FRMD8: variants seen among roughly 807,000 people sequenced by gnomAD.
FRMD8 encodes FERM domain containing 8, also known as FERM domain-containing protein 8.
FRMD8 carries 37 observed loss-of-function variants against 54.2 expected under a neutral mutation model. The ratio of observed to expected loss-of-function variants is 0.68; its 90% confidence interval spans 0.53 to 0.90. The LOEUF is 0.90. Ranked by LOEUF, FRMD8 falls within the 40% of genes least tolerant of loss-of-function variation. The pLI, the probability that FRMD8 is intolerant of heterozygous loss-of-function variation, is 0.00. For synonymous variants in FRMD8, 246 were observed against 286.9 expected (o/e 0.86, Z 1.44); for missense variants, 585 against 653.7 (o/e 0.89, Z 1.15).
the FRMD8 span, among the ~76,000 whole-genome samples, chr11:65,372,616 T>G: frequency 2.0e-5 from 3 of 152,194 alleles, no homozygotes; most frequent in Admixed American, 1.3e-4. Context: ...GTTTTGTTGT[T>G]GTTGTTTTGA....
chr11:65,373,351 G>C, the FRMD8 span, among the ~76,000 whole-genome samples: 1 of 152,240 alleles, frequency 6.6e-6, no homozygotes. Context: ...AGGAGGAGCA[G>C]AGACTGCTAG....
chr11:65,390,646 C>T (rs1220982735), intron 3 of FRMD8, among the ~76,000 whole-genome samples: 1 of 152,074 alleles, frequency 6.6e-6, no homozygotes, highest in East Asian at 1.9e-4. Context: ...GGCTCCTCGG[C>T]CACCTCATGC....
intron 2 of FRMD8, 88 bp from the exon 3 acceptor site, chr11:65,389,273 C>G: frequency 7.5e-7 from 1 of 1,332,164 alleles, no homozygotes; most frequent in South Asian, 1.2e-5. Context: ...GGGCTCCAGC[C>G]CCAGTGGGTG....
intron 10 of FRMD8, among the ~76,000 whole-genome samples, chr11:65,408,970 GT>G (rs1856269589): frequency 6.6e-6 from 1 of 152,002 alleles, no homozygotes; most frequent in African/African-American, 2.4e-5. Flanking sequence ...TTGTGCCCAG[GT>G]GTACCCTCCC....
At chr11:65,389,229 G>A (rs1160806991) in intron 2 of FRMD8, 132 bp from the exon 3 acceptor site, 11 of 804,972 alleles carry the variant, frequency 1.4e-5, no homozygotes, top group Admixed American at 6.6e-5. Context: ...TCTCAGGAGC[G>A]TAGCCCTGGT....
rs529708873 is a variant in FRMD8, at chr11:65,405,956, G to A, written c.1276+888G>A. On this transcript the variant is annotated intron_variant, in intron 10 of 10. Transcript: ENST00000317568. The stretch of plus-strand genomic sequence containing the variant: ...GAGTTGGAGGTTTGCAGTGAGCTAC[G>A]ATTGTACCACTGCACTCCAGCCTGG... Among the ~76,000 whole-genome samples, 13 of 152,094 alleles carry A rather than the reference G, an allele frequency of 8.5e-5. 1 individual carries two copies. In the South Asian group the frequency reaches 2.7e-3, roughly 32 times the overall value.
chr11:65,394,514 G>A (rs1855909067), intron 6 of FRMD8, 89 bp downstream of exon 6: 4 of 1,455,920 alleles, frequency 2.7e-6, no homozygotes, highest in Non-Finnish European at 3.7e-6. Context: ...AGTCTCGCAA[G>A]GTGGGGGCAG....
chr11:65,397,001 C>A lies in FRMD8; in HGVS notation c.784C>A (p.His262Asn). The A allele has an allele frequency of 6.9e-7, 1 of 1,458,072 alleles. No individual in the cohort carries two copies. The highest frequency in any genetic ancestry group is 9.1e-7 in the Non-Finnish European group (1 of 1,098,722). 90.3% of individuals were successfully genotyped at this position (1,458,072 alleles called of 1,614,324 possible). A position where few individuals can be genotyped will look rare whatever the true frequency, so the allele number is the denominator to read the frequency against. Residue 262 changes from histidine to asparagine, a missense_variant, in exon 7 of 11, where the codon CAC becomes AAC. By Grantham distance (68) the His-to-Asn change is moderately conservative (BLOSUM62 1). Coordinates refer to ENST00000317568, the MANE Select transcript of FRMD8 (RefSeq NM_031904.5). ...THYRAYLLKC[H>N]ELPFYGCAFF... ...CTACCGCGCCTATCTCCTCAAGTGC[C>A]ACGAGCTGCCGTTTTATGGGTAAGA...
At chr11:65,390,714 G>A (rs1455376251) in intron 3 of FRMD8, among the ~76,000 whole-genome samples, 3 of 152,182 alleles carry the variant, frequency 2.0e-5, no homozygotes, top group Non-Finnish European at 4.4e-5. Flanking sequence ...TGGGCCCCTT[G>A]GTTTGTGTCT....
chr11:65,380,419 C>T, the FRMD8 span: 1 of 963,070 alleles, frequency 1.0e-6, no homozygotes, highest in Non-Finnish European at 1.5e-6. Flanking sequence ...CCTGAGGATG[C>T]ACACCCAAGA....
chr11:65,380,297 T>G, the FRMD8 span: 3 of 1,401,836 alleles, frequency 2.1e-6, no homozygotes, highest in Non-Finnish European at 3.0e-6. Flanking sequence ...CTCAGACACA[T>G]GCAGCCACCT....
chr11:65,389,303 C>T, intron 2 of FRMD8, 58 bp from the exon 3 acceptor site: 1 of 1,577,240 alleles, frequency 6.3e-7, no homozygotes, highest in Non-Finnish European at 8.6e-7. Context: ...GCCTGGTTGG[C>T]CTGGCCTGGC....
chr11:65,384,623 G>C (rs1398833326), upstream of FRMD8, among the ~76,000 whole-genome samples: 1 of 152,240 alleles, frequency 6.6e-6, no homozygotes, highest in Non-Finnish European at 1.5e-5. Flanking sequence ...GCCTGGCCCA[G>C]TGCCCCACAC....
chr11:65,396,742 C>G, intron 6 of FRMD8, 57 bp from the exon 7 acceptor site: 1 of 1,205,746 alleles, frequency 8.3e-7, no homozygotes, highest in South Asian at 1.7e-5. Flanking sequence ...CTCGCCCTCC[C>G]CCGTGAGCCT....
intron 3 of FRMD8, 149 bp downstream of exon 3, chr11:65,389,677 A>G (rs1565596925): frequency 5.0e-6 from 4 of 795,878 alleles, no homozygotes; most frequent in South Asian, 1.9e-5. Context: ...TGAGCTGTCC[A>G]CCTGTCTGAG....
chr11:65,398,216 C>G (rs549214585), intron 7 of FRMD8, among the ~76,000 whole-genome samples: 1 of 152,190 alleles, frequency 6.6e-6, no homozygotes, highest in South Asian at 2.1e-4. Context: ...CCAGGCTGGT[C>G]TGGAACCCTG....
At chr11:65,376,463 G>A in the FRMD8 span, 2 of 1,614,212 alleles carry the variant, frequency 1.2e-6, no homozygotes, top group South Asian at 2.2e-5. Flanking sequence ...GCATTGACGG[G>A]AAAGGCGCGG....
intron 9 of FRMD8, among the ~76,000 whole-genome samples, chr11:65,403,017 C>T (rs575134060): frequency 3.2e-4 from 48 of 152,180 alleles, no homozygotes; most frequent in African/African-American, 1.1e-3. Context: ...TCCCAAGCCA[C>T]AGGTGTGCAC....
chr11:65,369,803 C>T, the FRMD8 span, among the ~76,000 whole-genome samples: 6 of 151,540 alleles, frequency 4.0e-5, no homozygotes, highest in East Asian at 3.9e-4. Flanking sequence ...GAGGCCGAGG[C>T]GGGCGGATCA....
Sources: allele counts gnomAD v4.1 joint callset (sites outside exome capture counted in the v4.1 genomes callset), GRCh38; gene constraint gnomAD v4.1.1; transcripts MANE v1.5; gene names NCBI Gene and HGNC (gene_info 2026-07-23, HGNC 2026-07-21).